Variants in NDRG4 observed in about 807,000 individuals in gnomAD.
The protein encoded by NDRG4 is NDRG family member 4.
A neutral mutation model predicts 55.8 loss-of-function variants in NDRG4; 38 were observed. That is an observed-to-expected ratio of 0.68 (90% CI 0.53 to 0.89). The LOEUF (loss-of-function observed/expected upper bound fraction) is 0.89, where lower values mean the gene tolerates loss of function less well. Ranked by LOEUF, NDRG4 falls within the 40% of genes least tolerant of loss-of-function variation. The pLI, the probability that NDRG4 is intolerant of heterozygous loss-of-function variation, is 0.00. For synonymous variants in NDRG4, 190 were observed against 182.7 expected (o/e 1.04, Z -0.32); for missense variants, 455 against 468.6 (o/e 0.97, Z 0.27).
In NDRG4 at chr16:58,509,368, CCCCA is replaced by C; in HGVS notation, c.865+20_865+23del. On this transcript the variant is annotated intron_variant, in intron 13 of 14. Transcript: ENST00000570248. ...ATGGGCTACAGTGAGTACATTTCCA[CCCCA>C]CCCCACACCACCTAGAGACCGGTGG... 6.2e-7 allele frequency: 1 copy of C among 1,612,280 alleles called. No individual in the cohort carries two copies.
chr16:58,487,855 G>GT lies in NDRG4; in HGVS notation c.72+7dup, dbSNP rs774618222. On this transcript the variant is annotated splice_donor_region_variant and intron_variant, in intron 2 of 15. Transcript: ENST00000258187. ...GGCCAGGACGCCACCGAGCTGGTGA[G>GT]TTGGAGTCGCGCCTTTGAGGTCTTA... is the stretch of plus-strand genomic sequence containing the variant. 2.0e-6 allele frequency: 3 copies of GT among 1,531,164 alleles called. No individual in the cohort carries two copies. The South Asian group carries it at 3.7e-5, about 19-fold the overall frequency. The allele number at this position is 1,531,164 out of a possible 1,614,324, so 94.8% of individuals were successfully genotyped here. A position where few individuals can be genotyped will look rare whatever the true frequency, so the allele number is the denominator to read the frequency against.
At chr16:58,472,630 C>G (rs2033033364) in intron 1 of NDRG4, among the ~76,000 whole-genome samples, 1 of 152,160 alleles carries the variant, frequency 6.6e-6, no homozygotes, top group Admixed American at 6.5e-5. Context: ...CAGACTGATA[C>G]AAAGAGAGGA....
At chr16:58,483,121 A>T (rs2034667513) in intron 1 of NDRG4, among the ~76,000 whole-genome samples, 1 of 151,890 alleles carries the variant, frequency 6.6e-6, no homozygotes, top group Admixed American at 6.6e-5. Context: ...ACCATCTCCT[A>T]CCACTGCTGA....
chr16:58,507,824 A>G lies in NDRG4; in HGVS notation c.637A>G (p.Ile213Val). The change falls in exon 9 of 15, where the codon ATT (isoleucine) becomes GTT (valine). Residue 213 changes from isoleucine (I) to valine (V), a missense_variant. Coordinates refer to ENST00000570248, the MANE Select transcript of NDRG4 (RefSeq NM_001242835.2). ...GCCCCACAGCCGCAGAGACCTGGAC[A>G]TTAACCGGCCTGGAACGGTGCCCAA... is the stretch of plus-strand genomic sequence containing the variant. ...NMYNSRRDLD[I>V]NRPGTVPNAK... The G allele has an allele frequency of 1.2e-6, 2 of 1,613,890 alleles. No individual in the cohort carries two copies. The highest frequency in any genetic ancestry group is 1.7e-6 in the Non-Finnish European group (2 of 1,179,990).
chr16:58,499,384 G>C (rs552920542), upstream of NDRG4: 3 of 152,390 alleles, frequency 2.0e-5, no homozygotes, highest in Non-Finnish European at 2.9e-5. Flanking sequence ...TGAGGGTGGG[G>C]AGGGCAGAGC....
Position 58,472,760 on chromosome 16 carries a change from G to A in NDRG4, c.-24+8963G>A, listed in dbSNP as rs552074119. 1.1e-4 allele frequency among the ~76,000 whole-genome samples: 16 copies of A among 152,170 alleles called. No homozygotes were observed. The South Asian group carries it at 1.9e-3, about 18-fold the overall frequency. ...TGAGCTCTAAGTCAGGCCCTTCCTCGCAAGGGCAGTGTGGTTGCTGGCTCA... is the reference window on the plus strand; with the variant it reads ...TGAGCTCTAAGTCAGGCCCTTCCTCACAAGGGCAGTGTGGTTGCTGGCTCA... On this transcript the variant is annotated intron_variant, in intron 1 of 15. Coordinates refer to the NDRG4 transcript ENST00000258187.
intron 5 of NDRG4, chr16:58,504,866 C>T: frequency 3.5e-6 from 2 of 579,416 alleles, no homozygotes; most frequent in Non-Finnish European, 6.1e-6. Flanking sequence ...ATATAGTTTT[C>T]TCAAGAGACT....
At chr16:58,478,702 T>TG (rs2034031671) in intron 1 of NDRG4, among the ~76,000 whole-genome samples, 1 of 146,334 alleles carries the variant, frequency 6.8e-6, no homozygotes, top group East Asian at 1.9e-4. Context: ...TTTTTGTTTT[T>TG]TTTTTTTGTA....
chr16:58,514,745 C>CA (rs67168725), downstream of NDRG4, among the ~76,000 whole-genome samples: 990 of 81,636 alleles, frequency 0.012, 5 homozygotes, highest in Non-Finnish European at 0.016. Context: ...CCCAACGCGC[C>CA]AAAAAAAAAA....
rs763742762 is a variant in NDRG4 at position 58,510,724 on chromosome 16, C to T, written c.904+41C>T. ...TTCCCCTGATGCATGGACGCCCAGC[C>T]TCCTCCTCCCCCGCTCCTTCCTCTG... On this transcript the variant is annotated intron_variant, in intron 14 of 14. Transcript: ENST00000570248. 3.3e-6 allele frequency: 5 copies of T among 1,522,078 alleles called. No homozygotes were observed. The African/African-American group carries it at 6.9e-5, about 21-fold the overall frequency. 94.3% of individuals were successfully genotyped at this position (1,522,078 alleles called of 1,614,324 possible). A position where few individuals can be genotyped will look rare whatever the true frequency, so the allele number is the denominator to read the frequency against.
Position 58,464,117 on chromosome 16 carries a change from G to T in NDRG4, c.-24+320G>T. 1 of 319,914 alleles carries T rather than the reference G, an allele frequency of 3.1e-6. No individual in the cohort carries two copies. Among genetic ancestry groups the T allele is most frequent in the Admixed American group, 5.0e-5 (1 of 20,184 alleles). The allele number at this position is 319,914 out of a possible 1,614,324, so 19.8% of individuals were successfully genotyped here. A position where few individuals can be genotyped will look rare whatever the true frequency, so the allele number is the denominator to read the frequency against. On this transcript the variant is annotated intron_variant, in intron 1 of 15. Transcript: ENST00000258187. The surrounding 1 kb of genome is among the most constrained non-coding windows in gnomAD (Gnocchi z 4.8). ...CTTTGTTCGGGCGGCGGGCACGGGG[G>T]ACCACCTCCCACGGTGTCACCGCAC...
Position 58,510,035 on chromosome 16 carries a change from A to G in NDRG4, c.866-610A>G, listed in dbSNP as rs73560412. Among the ~76,000 whole-genome samples, 257 of 152,100 alleles carry G rather than the reference A, an allele frequency of 1.7e-3. 1 individual carries two copies. The highest frequency in any genetic ancestry group is 6.0e-3 in the African/African-American group (247 of 41,492). ...CCTGTTCCTCCAGGTCCCCACTGCCAGGAGGCAAACTTCCTCTTCTCAGTT... is the reference window on the plus strand; with the variant it reads ...CCTGTTCCTCCAGGTCCCCACTGCCGGGAGGCAAACTTCCTCTTCTCAGTT... On this transcript the variant is annotated intron_variant, in intron 13 of 14. Coordinates refer to ENST00000570248, the MANE Select transcript of NDRG4 (RefSeq NM_001242835.2).
At chr16:58,502,626 C>A (rs12443958) in intron 1 of NDRG4, among the ~76,000 whole-genome samples, 5 of 152,198 alleles carry the variant, frequency 3.3e-5, no homozygotes, top group Admixed American at 1.3e-4. Flanking sequence ...CAGGTTCTTT[C>A]TAAACCAAAG....
At chr16:58,478,690 G>GTT (rs763426631) in intron 1 of NDRG4, among the ~76,000 whole-genome samples, 23 of 10,304 alleles carry the variant, frequency 2.2e-3, no homozygotes, top group Admixed American at 0.011. Flanking sequence ...GTGCTTTTTT[G>GTT]TTTTTTGTTT....
At chr16:58,470,913 A>AG (rs796217443) in intron 1 of NDRG4, among the ~76,000 whole-genome samples, 1,546 of 151,040 alleles carry the variant, frequency 0.01, 40 homozygotes, top group African/African-American at 0.032. Flanking sequence ...TCTCCAAAAA[A>AG]AAAAAAAAAA....
intron 1 of NDRG4, among the ~76,000 whole-genome samples, chr16:58,470,287 GA>G (rs1420599764): frequency 1.3e-5 from 2 of 152,244 alleles, no homozygotes; most frequent in East Asian, 3.8e-4. Flanking sequence ...TGGGAATTCT[GA>G]AGATGAGCTG....
chr16:58,483,012 C>T (rs1388821963), intron 1 of NDRG4, among the ~76,000 whole-genome samples: 1 of 152,102 alleles, frequency 6.6e-6, no homozygotes, highest in Non-Finnish European at 1.5e-5. Context: ...TCTCGAACTC[C>T]TGGCTTCAAG....
intron 2 of NDRG4, among the ~76,000 whole-genome samples, chr16:58,488,230 C>G (rs775637001): frequency 4.6e-5 from 7 of 152,218 alleles, no homozygotes; most frequent in Non-Finnish European, 7.3e-5. Context: ...CATGCTGCTC[C>G]TCCGTCTGTG....
rs765751383 is a variant in NDRG4 at position 58,509,941 on chromosome 16, C to CACACACAG, written c.865+596_865+597insGACACACA. Among the ~76,000 whole-genome samples the CACACACAG allele has an allele frequency of 4.4e-5, 5 of 114,408 alleles. 1 individual carries two copies. The highest frequency in any genetic ancestry group is 5.6e-4 in the East Asian group (2 of 3,544). 75.1% of individuals were successfully genotyped at this position (114,408 alleles called of 152,430 possible). On this transcript the variant is annotated intron_variant, in intron 13 of 14. Transcript: ENST00000570248. ...GTGGAACCAGGTACACACACACAGA[C>CACACACAG]ACACACACACACACACACAACACAC...
Sources: gnomAD v4.1 joint callset for allele counts (sites outside exome capture counted in the v4.1 genomes callset) on GRCh38, gnomAD v4.1.1 for gene constraint, Gnocchi (gnomAD v3.1) non-coding constraint, MANE v1.5 for transcripts, NCBI Gene and HGNC (gene_info 2026-07-23, HGNC 2026-07-21) for gene names.